Variants in SIMC1 observed in about 807,000 individuals in gnomAD.
SIMC1 encodes SUMO-interacting motif-containing protein 1.
SIMC1 carries 55 observed loss-of-function variants against 82.3 expected under a neutral mutation model. The observed-to-expected ratio is 0.67, with a 90% CI of 0.54 to 0.84. The LOEUF (loss-of-function observed/expected upper bound fraction) is 0.84, where lower values mean the gene tolerates loss of function less well. Ranked by LOEUF, SIMC1 falls within the 40% of genes least tolerant of loss-of-function variation. SIMC1 has a pLI of 0.00. For synonymous variants in SIMC1, 353 were observed against 426.3 expected (o/e 0.83, Z 2.12); for missense variants, 915 against 1,107.2 (o/e 0.83, Z 2.46).
chr5:176,277,577 T>G (rs1762770100), intron 1 of SIMC1, among the ~76,000 whole-genome samples: 1 of 152,062 alleles, frequency 6.6e-6, no homozygotes, highest in South Asian at 2.1e-4. Context: ...TTTTTATAGT[T>G]TTAGGTCTAA....
chr5:176,315,821 G>A (rs889687962), intron 5 of SIMC1, among the ~76,000 whole-genome samples: 1 of 151,996 alleles, frequency 6.6e-6, no homozygotes, highest in Non-Finnish European at 1.5e-5. Context: ...TAATTTTAGG[G>A]GTACAAAATC....
intron 1 of SIMC1, among the ~76,000 whole-genome samples, chr5:176,247,727 T>TTTTA (rs1172227231): frequency 2.8e-5 from 2 of 72,644 alleles, no homozygotes; most frequent in African/African-American, 9.5e-5. Flanking sequence ...CTTCTAGGGT[T>TTTTA]TTTATGGTTT....
chr5:176,272,384 C>CAA (rs70991523), intron 1 of SIMC1, among the ~76,000 whole-genome samples: 1,937 of 143,256 alleles, frequency 0.014, 36 homozygotes, highest in East Asian at 0.058. Context: ...TGCAATAAGG[C>CAA]AAAAAAAAAA....
At chr5:176,305,957 C>T (rs1764348747) in intron 4 of SIMC1, among the ~76,000 whole-genome samples, 1 of 76,970 alleles carries the variant, frequency 1.3e-5, no homozygotes, top group African/African-American at 5.2e-5. Context: ...CTCTGCCCGG[C>T]CAGCCGCCCC....
At chr5:176,246,211 C>A (rs1761434168) in intron 1 of SIMC1, among the ~76,000 whole-genome samples, 1 of 151,634 alleles carries the variant, frequency 6.6e-6, no homozygotes. Flanking sequence ...GGGGTTTCAC[C>A]ATATTGGCCA....
chr5:176,343,447 T>C (rs550775391), intron 9 of SIMC1, among the ~76,000 whole-genome samples: 277 of 152,380 alleles, frequency 1.8e-3, no homozygotes, highest in Non-Finnish European at 2.9e-3. Context: ...CTAGAATCTA[T>C]TGGGGCTGGC....
intron 1 of SIMC1, among the ~76,000 whole-genome samples, chr5:176,285,812 G>A (rs1227739899): frequency 6.6e-6 from 1 of 152,156 alleles, no homozygotes. Flanking sequence ...AAATCAATGT[G>A]CAAAAAATCA....
At chr5:176,284,438 G>A (rs898272773) in intron 1 of SIMC1, among the ~76,000 whole-genome samples, 5 of 152,074 alleles carry the variant, frequency 3.3e-5, no homozygotes, top group African/African-American at 9.7e-5. Flanking sequence ...GGTACATAAT[G>A]AAATGAAGGC....
At chr5:176,269,031 T>C (rs1309487970) in intron 1 of SIMC1, among the ~76,000 whole-genome samples, 1 of 152,164 alleles carries the variant, frequency 6.6e-6, no homozygotes, top group Non-Finnish European at 1.5e-5. Flanking sequence ...ATATTAAAAA[T>C]TGTGTCCTTC....
chr5:176,282,820 A>T (rs1438668545), intron 1 of SIMC1, among the ~76,000 whole-genome samples: 1 of 152,248 alleles, frequency 6.6e-6, no homozygotes, highest in Non-Finnish European at 1.5e-5. Context: ...AATGAAGAGA[A>T]GTCCTTAAAT....
At chr5:176,275,998 G>C (rs1483046752) in intron 1 of SIMC1, among the ~76,000 whole-genome samples, 2 of 151,428 alleles carry the variant, frequency 1.3e-5, no homozygotes, top group East Asian at 1.9e-4. Flanking sequence ...AAATGAGTTA[G>C]GGAGGATTCC....
intron 1 of SIMC1, among the ~76,000 whole-genome samples, chr5:176,243,662 AC>A (rs1761342840): frequency 6.6e-6 from 1 of 151,854 alleles, no homozygotes; most frequent in Admixed American, 6.6e-5. Flanking sequence ...AGCCGGGACT[AC>A]AAGCACACCA....
At position 176,314,930 on chromosome 5, in the gene SIMC1, A is replaced by T. The variant is rs140175024; in HGVS notation, c.1889+1085A>T. Among the ~76,000 whole-genome samples the T allele has an allele frequency of 4.8e-3, 729 of 152,292 alleles. 10 individuals carry two copies. The highest frequency in any genetic ancestry group is 0.016 in the African/African-American group (669 of 41,560). The stretch of plus-strand genomic sequence containing the variant: ...ATTATAAAATAGGCTTTTGTGTTGC[A>T]TGATTTTGCCCAACTGTAAGCTGTC... On this transcript the variant is annotated intron_variant, in intron 5 of 9. Transcript: ENST00000429602.
chr5:176,298,181 A>AT (rs1383964223), intron 4 of SIMC1, among the ~76,000 whole-genome samples: 1 of 152,222 alleles, frequency 6.6e-6, no homozygotes, highest in Non-Finnish European at 1.5e-5. Flanking sequence ...AGTTTGTGGC[A>AT]TTTTGCATGC....
rs1382309273 is a variant in SIMC1, at chr5:176,290,499, A to C, written c.975A>C (p.Ser325=). ...AGTCACCAAGTGATGTTTCACCGTC[A>C]CCAGATGCACCACAGTCACCAGGGG... ...VPQSPSDVSP[S]PDAPQSPGGM... Residue 325 remains serine, a synonymous_variant, in exon 2 of 10, where the codon TCA becomes TCC. Coordinates refer to ENST00000429602, the MANE Select transcript of SIMC1 (RefSeq NM_001308195.2). 6.2e-7 allele frequency: 1 copy of C among 1,613,818 alleles called. No homozygotes were observed. Among genetic ancestry groups the C allele is most frequent in the Non-Finnish European group, 8.5e-7 (1 of 1,179,888 alleles).
chr5:176,311,025 G>T (rs746606838), intron 4 of SIMC1, among the ~76,000 whole-genome samples: 1 of 152,140 alleles, frequency 6.6e-6, no homozygotes, highest in Non-Finnish European at 1.5e-5. Context: ...TTTAGAAAAG[G>T]CAGATCTAGA....
At chr5:176,341,900 A>G (rs1247121231) in intron 9 of SIMC1, among the ~76,000 whole-genome samples, 1 of 152,356 alleles carries the variant, frequency 6.6e-6, no homozygotes, top group East Asian at 1.9e-4. Context: ...TACAGTAATC[A>G]GCAACCTCTG....
At chr5:176,254,219 T>C (rs1243727069) in intron 1 of SIMC1, among the ~76,000 whole-genome samples, 1 of 152,162 alleles carries the variant, frequency 6.6e-6, no homozygotes, top group African/African-American at 2.4e-5. Flanking sequence ...TCTGTCAAGT[T>C]ACCAACAGAA....
At chr5:176,296,462 A>G in intron 4 of SIMC1, 142 bp downstream of exon 4, 1 of 1,332,700 alleles carries the variant, frequency 7.5e-7, no homozygotes, top group Non-Finnish European at 1.0e-6. Context: ...CCAGGAGTTC[A>G]AGGCCAGCCT....
Sources: allele counts gnomAD v4.1 joint callset (sites outside exome capture counted in the v4.1 genomes callset), GRCh38; gene constraint gnomAD v4.1.1; transcripts MANE v1.5; gene names NCBI Gene and HGNC (gene_info 2026-07-23, HGNC 2026-07-21).